IRAK3: variants seen among roughly 807,000 people sequenced by gnomAD.
IRAK3 encodes the protein interleukin 1 receptor associated kinase 3.
IRAK3 carries 57 observed loss-of-function variants against 56.6 expected under a neutral mutation model. The ratio of observed to expected loss-of-function variants is 1.01; its 90% confidence interval spans 0.81 to 1.26. The LOEUF is 1.26. Ranked by LOEUF, IRAK3 falls within the 50% of genes most tolerant of loss-of-function variation. IRAK3 has a pLI of 0.00. For synonymous variants in IRAK3, 258 were observed against 255.7 expected, an observed-to-expected ratio of 1.01 and a Z score of -0.09; for missense variants, 703 against 719.0, an observed-to-expected ratio of 0.98 and a Z score of 0.25.
At chr12:66,246,420 T>C (rs558735600) in intron 11 of IRAK3, among the ~76,000 whole-genome samples, 1 of 152,350 alleles carries the variant, frequency 6.6e-6, no homozygotes, top group South Asian at 2.1e-4. Flanking sequence ...GAGTCTATCA[T>C]AGAGCCATGC....
In IRAK3 at chr12:66,254,458, T is replaced by C. The variant is rs1156233764; in HGVS notation, c.*6287T>C. Reference sequence around the variant, plus strand: ...TATAACATTGAATATTTTAAGATAATGTATGTTTCATAGAGAGATCTTCAC... The same window carrying C: ...TATAACATTGAATATTTTAAGATAACGTATGTTTCATAGAGAGATCTTCAC... On this transcript the variant is annotated 3_prime_UTR_variant, in exon 12 of 12. Coordinates refer to ENST00000261233, the MANE Select transcript of IRAK3 (RefSeq NM_007199.3). 6.6e-6 allele frequency: 1 copy of C among 152,122 alleles called. No homozygotes were observed. Among genetic ancestry groups the C allele is most frequent in the Non-Finnish European group, 1.5e-5 (1 of 67,996 alleles). The allele number at this position is 152,122 out of a possible 1,614,324, so 9.4% of individuals were successfully genotyped here.
At position 66,249,710 on chromosome 12, in the gene IRAK3, G is replaced by C. The variant is rs1285560180; in HGVS notation, c.*1539G>C. ...TTCCTCCGTCTTCAAAGCCAGCAAC[G>C]TGACATTTCAGATCTCCCTCTCTCT... On this transcript the variant is annotated 3_prime_UTR_variant, in exon 12 of 12. Coordinates refer to ENST00000261233, the MANE Select transcript of IRAK3 (RefSeq NM_007199.3). The C allele has an allele frequency of 6.9e-6, 1 of 145,966 alleles. No individual in the cohort carries two copies. Among genetic ancestry groups the C allele is most frequent in the South Asian group, 2.1e-4 (1 of 4,728 alleles). The allele number at this position is 145,966 out of a possible 1,614,324, so 9.0% of individuals were successfully genotyped here. A position where few individuals can be genotyped will look rare whatever the true frequency, so the allele number is the denominator to read the frequency against.
intron 8 of IRAK3, among the ~76,000 whole-genome samples, chr12:66,229,668 T>A (rs569248592): frequency 6.6e-6 from 1 of 152,224 alleles, no homozygotes; most frequent in East Asian, 1.9e-4. Context: ...TAATGCACAC[T>A]CATGGGACCT....
intron 6 of IRAK3, among the ~76,000 whole-genome samples, chr12:66,222,082 A>C (rs2052739751): frequency 6.6e-6 from 1 of 152,184 alleles, no homozygotes; most frequent in East Asian, 1.9e-4. Context: ...TAGCTTGCTA[A>C]ATTTGTTGAG....
At chr12:66,222,270 T>A (rs1018537610) in intron 6 of IRAK3, among the ~76,000 whole-genome samples, 1 of 152,250 alleles carries the variant, frequency 6.6e-6, no homozygotes, top group Non-Finnish European at 1.5e-5. Flanking sequence ...CTTTAAATGC[T>A]TGTTAGAATT....
chr12:66,208,692 C>T (rs959700992), intron 2 of IRAK3, among the ~76,000 whole-genome samples: 6 of 150,714 alleles, frequency 4.0e-5, no homozygotes, highest in South Asian at 2.1e-4. Flanking sequence ...ACCCAGGAGG[C>T]GGAGGTTGCA....
At position 66,245,268 on chromosome 12, in the gene IRAK3, T is replaced by A; in HGVS notation, c.1314+6T>A. 1 of 1,613,858 alleles carries A rather than the reference T, an allele frequency of 6.2e-7. No individual in the cohort carries two copies. Among genetic ancestry groups the A allele is most frequent in the Non-Finnish European group, 8.5e-7 (1 of 1,179,804 alleles). On this transcript the variant is annotated splice_donor_region_variant and intron_variant, in intron 11 of 11. Coordinates refer to ENST00000261233, the MANE Select transcript of IRAK3 (RefSeq NM_007199.3). ...TAAGACCATCAATGGATGAAGTGAG[T>A]ATATACATGGTTTTATTCAAAACTG...
chr12:66,197,957 A>G, intron 1 of IRAK3: 1 of 985,454 alleles, frequency 1.0e-6, no homozygotes, highest in Non-Finnish European at 1.2e-6. Flanking sequence ...AAAGTATGGA[A>G]TGAAAAGCTG....
intron 5 of IRAK3, among the ~76,000 whole-genome samples, chr12:66,215,792 A>AGTG (rs2052668631): frequency 1.2e-5 from 1 of 85,788 alleles, no homozygotes; most frequent in African/African-American, 3.2e-5. Context: ...ACATGCACAC[A>AGTG]CACACACACA....
intron 1 of IRAK3, among the ~76,000 whole-genome samples, chr12:66,194,508 T>C (rs1374395047): frequency 6.6e-6 from 1 of 152,154 alleles, no homozygotes. Flanking sequence ...TCCTTTCTTC[T>C]TGAAGTGCTT....
At chr12:66,211,349 C>T (rs1387622159) in intron 4 of IRAK3, 97 bp from the exon 5 acceptor site, 7 of 880,426 alleles carry the variant, frequency 8.0e-6, no homozygotes, top group Non-Finnish European at 9.3e-6. Flanking sequence ...TACTAACCTT[C>T]CACTGGACTC....
intron 2 of IRAK3, among the ~76,000 whole-genome samples, chr12:66,204,788 A>AGTG (rs1565800587): frequency 2.1e-5 from 3 of 142,718 alleles, no homozygotes; most frequent in Non-Finnish European, 3.0e-5. Flanking sequence ...GCACACACAC[A>AGTG]CACACACACA....
At chr12:66,228,805 CT>C (rs1479839675) in intron 8 of IRAK3, among the ~76,000 whole-genome samples, 3 of 152,050 alleles carry the variant, frequency 2.0e-5, no homozygotes, top group Non-Finnish European at 4.4e-5. Context: ...GTAGTCAACA[CT>C]TTATTATAAA....
At chr12:66,224,417 A>G (rs1472747643) in intron 6 of IRAK3, among the ~76,000 whole-genome samples, 1 of 152,210 alleles carries the variant, frequency 6.6e-6, no homozygotes, top group Non-Finnish European at 1.5e-5. Context: ...AGATGAGGAA[A>G]TACAGAGCAC....
chr12:66,209,014 A>C (rs2052585736), intron 2 of IRAK3, among the ~76,000 whole-genome samples: 3 of 151,490 alleles, frequency 2.0e-5, no homozygotes, highest in Admixed American at 2.0e-4. Flanking sequence ...CAGAGATTGC[A>C]ATGAGCCGAG....
intron 8 of IRAK3, among the ~76,000 whole-genome samples, chr12:66,236,248 C>A (rs746764968): frequency 6.6e-6 from 1 of 151,772 alleles, no homozygotes; most frequent in Non-Finnish European, 1.5e-5. Context: ...GTGGGAAGAC[C>A]ACCAGAAATC....
chr12:66,199,049 C>T (rs1339145159), intron 1 of IRAK3, among the ~76,000 whole-genome samples: 1 of 152,182 alleles, frequency 6.6e-6, no homozygotes, highest in Non-Finnish European at 1.5e-5. Flanking sequence ...TGAGCCACTA[C>T]ACCCAGCCTC....
Position 66,213,066 on chromosome 12 carries a change from G to GA in IRAK3, c.588+1478dup, listed in dbSNP as rs1011753750. 1.7e-4 allele frequency among the ~76,000 whole-genome samples: 25 copies of GA among 150,684 alleles called. No homozygotes were observed. The East Asian group carries it at 2.7e-3, about 16-fold the overall frequency. Reference sequence around the variant, plus strand: ...GTAAAATTAAAAAATAAATAAAAAAGAAAAAAAAAGAAAAAGAGGTTTAAT... The same window carrying GA: ...GTAAAATTAAAAAATAAATAAAAAAGAAAAAAAAAAGAAAAAGAGGTTTAAT... On this transcript the variant is annotated intron_variant, in intron 5 of 11. Coordinates refer to ENST00000261233, the MANE Select transcript of IRAK3 (RefSeq NM_007199.3).
In IRAK3 at chr12:66,250,074, CT is replaced by C. The variant is rs916119774; in HGVS notation, c.*1904del. 1.3e-5 allele frequency: 2 copies of C among 152,150 alleles called. No homozygotes were observed. The highest frequency in any genetic ancestry group is 4.8e-5 in the African/African-American group (2 of 41,408). 9.4% of individuals were successfully genotyped at this position (152,150 alleles called of 1,614,324 possible). On this transcript the variant is annotated 3_prime_UTR_variant, in exon 12 of 12. Transcript: ENST00000261233. Reference sequence around the variant, plus strand: ...TAAATTAAGTTGAATTAAATTACCCCTATGAAGCCACATAATCAATAATTCA... The same window carrying C: ...TAAATTAAGTTGAATTAAATTACCCCATGAAGCCACATAATCAATAATTCA...
Sources: allele counts gnomAD v4.1 joint callset (sites outside exome capture counted in the v4.1 genomes callset), GRCh38; gene constraint gnomAD v4.1.1; transcripts MANE v1.5; gene names NCBI Gene and HGNC (gene_info 2026-07-23, HGNC 2026-07-21).